Variants in SLC30A9 observed in about 807,000 individuals in gnomAD.
The protein encoded by SLC30A9 is solute carrier family 30 member 9, also known as proton-coupled zinc antiporter SLC30A9, mitochondrial.
A neutral mutation model predicts 87.5 loss-of-function variants in SLC30A9; 58 were observed. The observed-to-expected ratio is 0.66, with a 90% CI of 0.54 to 0.82. SLC30A9 has a LOEUF of 0.82. Ranked by LOEUF, SLC30A9 falls within the 40% of genes least tolerant of loss-of-function variation. The pLI, the probability that SLC30A9 is intolerant of heterozygous loss-of-function variation, is 0.00. For synonymous variants in SLC30A9, 234 were observed against 233.0 expected (o/e 1.00, Z -0.04); for missense variants, 557 against 679.1 (o/e 0.82, Z 2.00).
At chr4:42,055,641 A>G (rs1717581426) in intron 9 of SLC30A9, among the ~76,000 whole-genome samples, 1 of 152,242 alleles carries the variant, frequency 6.6e-6, no homozygotes, top group Admixed American at 6.5e-5. Context: ...TTTCTGTTAA[A>G]TATTGCACAT....
chr4:42,003,731 C>G (rs1715077501), intron 2 of SLC30A9, among the ~76,000 whole-genome samples: 1 of 150,570 alleles, frequency 6.6e-6, no homozygotes, highest in Non-Finnish European at 1.5e-5. Context: ...ATCATGTTTC[C>G]TTGTCCTGTT....
chr4:42,014,609 T>C (rs1715623209), intron 2 of SLC30A9, among the ~76,000 whole-genome samples: 1 of 151,726 alleles, frequency 6.6e-6, no homozygotes, highest in Non-Finnish European at 1.5e-5. Flanking sequence ...CATTCCCATG[T>C]TTATTGCAGC....
chr4:42,049,498 T>A lies in SLC30A9; in HGVS notation c.840+19T>A. ...TAATCAGGTGAGGACTAAAGCTTTT[T>A]TTATAAGTCAATTTTAAAGTAATAG... On this transcript the variant is annotated intron_variant, in intron 9 of 17. Coordinates refer to ENST00000264451, the MANE Select transcript of SLC30A9 (RefSeq NM_006345.4). The A allele has an allele frequency of 2.3e-6, 3 of 1,323,138 alleles. No individual in the cohort carries two copies. The highest frequency in any genetic ancestry group is 3.1e-6 in the Non-Finnish European group (3 of 954,018). The allele number at this position is 1,323,138 out of a possible 1,614,324, so 82.0% of individuals were successfully genotyped here.
intron 1 of SLC30A9, among the ~76,000 whole-genome samples, chr4:41,996,553 A>C (rs566753140): frequency 1.3e-5 from 2 of 151,980 alleles, no homozygotes; most frequent in Admixed American, 6.5e-5. Flanking sequence ...AGCCTGGGCA[A>C]CATGGCAAAA....
At chr4:41,997,072 A>G (rs2153132354) in intron 1 of SLC30A9, among the ~76,000 whole-genome samples, 1 of 151,600 alleles carries the variant, frequency 6.6e-6, no homozygotes, top group Admixed American at 6.6e-5. Context: ...AAAAATGAAA[A>G]AGAAAAATAG....
At chr4:42,070,076 AT>A in intron 14 of SLC30A9, 1 of 153,038 alleles carries the variant, frequency 6.5e-6, no homozygotes, top group African/African-American at 2.4e-5. Flanking sequence ...CACCCATATT[AT>A]TTTCTGTAGG....
At position 42,065,540 on chromosome 4, in the gene SLC30A9, T is replaced by TG. The variant is rs1185788421; in HGVS notation, c.1072+198dup. ...GTGGTTGTTCTGTAATGGATAGCTG[T>TG]GGGGGGGTGTGTAACTGCGCCCTGC... On this transcript the variant is annotated intron_variant, in intron 12 of 17. Transcript: ENST00000264451. Among the ~76,000 whole-genome samples the TG allele has an allele frequency of 3.3e-5, 5 of 152,054 alleles. No individual in the cohort carries two copies. The East Asian group carries it at 5.8e-4, about 18-fold the overall frequency.
At chr4:42,004,054 T>C (rs1319396576) in intron 2 of SLC30A9, among the ~76,000 whole-genome samples, 3 of 152,242 alleles carry the variant, frequency 2.0e-5, no homozygotes, top group Non-Finnish European at 4.4e-5. Context: ...TTCTTATGTC[T>C]GATCTTTCTG....
intron 2 of SLC30A9, among the ~76,000 whole-genome samples, chr4:42,016,504 C>T (rs2153134815): frequency 6.6e-6 from 1 of 151,928 alleles, no homozygotes; most frequent in East Asian, 1.9e-4. Flanking sequence ...TTTACTTTTG[C>T]TTGTTTGTGA....
chr4:42,018,274 T>C, intron 3 of SLC30A9, 104 bp downstream of exon 3: 3 of 751,814 alleles, frequency 4.0e-6, no homozygotes. Flanking sequence ...TCTAAGAGTA[T>C]AGTTTATTTT....
At chr4:42,020,269 G>C (rs1421210112) in intron 3 of SLC30A9, 147 bp from the exon 4 acceptor site, 14 of 546,324 alleles carry the variant, frequency 2.6e-5, no homozygotes, top group Non-Finnish European at 9.7e-6. Context: ...TCTGCACTTG[G>C]ATAATTTTTT....
chr4:42,081,728 T>C (rs1235621128), intron 17 of SLC30A9, among the ~76,000 whole-genome samples: 4 of 152,194 alleles, frequency 2.6e-5, no homozygotes, highest in Non-Finnish European at 5.9e-5. Context: ...GATTTAAGAA[T>C]AATCACCAAA....
In SLC30A9 at chr4:42,089,866, C is replaced by T. The variant is rs552868700; in HGVS notation, c.*3740C>T. 2.0e-5 allele frequency: 3 copies of T among 152,266 alleles called. No individual in the cohort carries two copies. The highest frequency in any genetic ancestry group is 4.4e-5 in the Non-Finnish European group (3 of 68,022). 9.4% of individuals were successfully genotyped at this position (152,266 alleles called of 1,614,324 possible). A position where few individuals can be genotyped will look rare whatever the true frequency, so the allele number is the denominator to read the frequency against. ...AGCAAAGGTAATCCCTGCATACATC[C>T]TCCTACACACACACACATAGTGCAA... On this transcript the variant is annotated 3_prime_UTR_variant, in exon 18 of 18. Transcript: ENST00000264451.
At chr4:42,048,270 T>C (rs1237452247) in intron 8 of SLC30A9, among the ~76,000 whole-genome samples, 1 of 152,048 alleles carries the variant, frequency 6.6e-6, no homozygotes, top group African/African-American at 2.4e-5. Flanking sequence ...AAGAAAATAG[T>C]GTCAGATGCT....
chr4:42,065,408 C>A, intron 12 of SLC30A9, 59 bp downstream of exon 12: 1 of 919,584 alleles, frequency 1.1e-6, no homozygotes, highest in South Asian at 1.4e-5. Context: ...ATTCAGCTGT[C>A]CATTATTATA....
chr4:42,042,129 C>T (rs771379149), intron 8 of SLC30A9, among the ~76,000 whole-genome samples: 35 of 152,142 alleles, frequency 2.3e-4, no homozygotes, highest in Middle Eastern at 3.2e-3. Flanking sequence ...CAAAACTGGG[C>T]GGCCATTTGG....
chr4:42,035,499 CT>C (rs374689755), intron 7 of SLC30A9, among the ~76,000 whole-genome samples, 166 bp downstream of exon 7: 6,748 of 139,312 alleles, frequency 0.048, 162 homozygotes, highest in African/African-American at 0.067. Flanking sequence ...TCTGATTTTC[CT>C]TTTTTTTTTT....
At chr4:42,053,980 C>A (rs1249784153) in intron 9 of SLC30A9, among the ~76,000 whole-genome samples, 1 of 152,004 alleles carries the variant, frequency 6.6e-6, no homozygotes, top group Admixed American at 6.6e-5. Context: ...GCACAGGGAG[C>A]TTTTTGGGAA....
intron 1 of SLC30A9, among the ~76,000 whole-genome samples, chr4:41,999,463 C>T (rs1347635252): frequency 6.6e-6 from 1 of 152,102 alleles, no homozygotes; most frequent in African/African-American, 2.4e-5. Flanking sequence ...CTGTGTGGTT[C>T]CTGATGAAAG....
Sources: allele counts gnomAD v4.1 joint callset (sites outside exome capture counted in the v4.1 genomes callset), GRCh38; gene constraint gnomAD v4.1.1; transcripts MANE v1.5; gene names NCBI Gene and HGNC (gene_info 2026-07-23, HGNC 2026-07-21).